DLGAP1: variants seen among roughly 807,000 people sequenced by gnomAD.
DLGAP1 encodes disks large-associated protein 1.
Under a neutral mutation model 90.8 loss-of-function variants are expected in DLGAP1, and 11 were observed. The observed-to-expected ratio is 0.12, with a 90% confidence interval of 0.08 to 0.20. The LOEUF (loss-of-function observed/expected upper bound fraction) is 0.20. Among genes scored for constraint, DLGAP1 ranks in the 10% least tolerant of loss-of-function variants. The probability of loss-of-function intolerance (pLI) is 1.00; values close to 1 mark genes in which losing one functional copy is unlikely to be tolerated. For missense variants in DLGAP1, 1,050 were observed against 1,333.8 expected, an observed-to-expected ratio of 0.79 and a Z score of 3.31; for synonymous variants, 558 against 540.7, an observed-to-expected ratio of 1.03 and a Z score of -0.44.
chr18:4,268,738 T>A (rs905264660), intron 1 of DLGAP1, among the ~76,000 whole-genome samples: 12 of 152,174 alleles, frequency 7.9e-5, no homozygotes, highest in Admixed American at 5.2e-4. Flanking sequence ...AAATACTCCA[T>A]AAATACATAT....
At chr18:4,239,964 CTGTT>C (rs1345004382) in intron 1 of DLGAP1, among the ~76,000 whole-genome samples, 2 of 152,242 alleles carry the variant, frequency 1.3e-5, no homozygotes, top group East Asian at 3.9e-4. Context: ...TTTCCATGCC[CTGTT>C]TGTTTATTTA....
intron 1 of DLGAP1, among the ~76,000 whole-genome samples, chr18:4,184,329 T>G (rs2077255920): frequency 6.6e-6 from 1 of 152,142 alleles, no homozygotes; most frequent in African/African-American, 2.4e-5. Context: ...TATTTACATT[T>G]ATTAACATGG....
At chr18:3,664,271 T>TA (rs2059802768) in intron 7 of DLGAP1, among the ~76,000 whole-genome samples, 1 of 150,924 alleles carries the variant, frequency 6.6e-6, no homozygotes, top group Admixed American at 6.6e-5. Flanking sequence ...CTCTGACTAA[T>TA]ACACCAACTT....
chr18:3,647,489 C>T (rs7407922), intron 7 of DLGAP1, among the ~76,000 whole-genome samples: 28,265 of 148,790 alleles, frequency 0.19, 2,807 homozygotes, highest in African/African-American at 0.2. Context: ...TTTTTTAAAC[C>T]GAGACTTGCT....
chr18:3,959,392 C>T (rs746204705), intron 3 of DLGAP1, among the ~76,000 whole-genome samples: 2 of 152,006 alleles, frequency 1.3e-5, no homozygotes, highest in African/African-American at 2.4e-5. Flanking sequence ...TGGGGCCGGG[C>T]GTGGTGGCGC....
intron 7 of DLGAP1, among the ~76,000 whole-genome samples, chr18:3,601,433 T>C (rs917084624): frequency 6.6e-6 from 1 of 151,278 alleles, no homozygotes; most frequent in Non-Finnish European, 1.5e-5. Context: ...ACTTCACATA[T>C]GCAAGGGTGT....
chr18:3,837,849 CAAAAAAAAAAAA>C (rs5822770), intron 4 of DLGAP1, among the ~76,000 whole-genome samples: 890 of 26,832 alleles, frequency 0.033, 17 homozygotes, highest in African/African-American at 0.12. Context: ...GAGATTCTGT[CAAAAAAAAAAAA>C]AAAAAAAAAA....
chr18:4,075,479 T>A (rs982560501), intron 2 of DLGAP1, among the ~76,000 whole-genome samples: 2 of 152,156 alleles, frequency 1.3e-5, no homozygotes, highest in African/African-American at 4.8e-5. Flanking sequence ...CTGTACCCCA[T>A]TTGAAAGCAC....
At chr18:3,506,579 T>G (rs968884417) in intron 11 of DLGAP1, among the ~76,000 whole-genome samples, 1 of 145,842 alleles carries the variant, frequency 6.9e-6, no homozygotes, top group Non-Finnish European at 1.5e-5. Context: ...AATCTGCAAA[T>G]TTTTCAAAAC....
chr18:4,364,261 TG>T (rs1357847412), intron 1 of DLGAP1, among the ~76,000 whole-genome samples: 1 of 53,076 alleles, frequency 1.9e-5, no homozygotes, highest in East Asian at 7.0e-4. Context: ...TGTTGTGGGG[TG>T]GGGGGAGGGG....
intron 2 of DLGAP1, among the ~76,000 whole-genome samples, chr18:4,075,764 T>C (rs2143531855): frequency 6.6e-6 from 1 of 152,370 alleles, no homozygotes; most frequent in South Asian, 2.1e-4. Flanking sequence ...TGGTATTTCT[T>C]TCCAACAAGG....
intron 2 of DLGAP1, among the ~76,000 whole-genome samples, chr18:4,022,523 C>T (rs2074630500): frequency 1.3e-5 from 2 of 151,956 alleles, no homozygotes; most frequent in Admixed American, 1.3e-4. Context: ...TTTTCTTATT[C>T]AACCCTGTTT....
chr18:4,399,436 C>T (rs1286581217), intron 1 of DLGAP1, among the ~76,000 whole-genome samples: 1 of 152,034 alleles, frequency 6.6e-6, no homozygotes, highest in African/African-American at 2.4e-5. Context: ...TATTAGAATC[C>T]CATCTTACAG....
rs1304832302 is a variant in DLGAP1 at position 4,200,056 on chromosome 18, TAC to T, written c.-266-48771_-266-48770del. ...ATATTTTACATTGTTATTGTATGTA[TAC>T]ACAGTTTTTTATCTTGTGTCTAGTC... is the stretch of plus-strand genomic sequence containing the variant. On this transcript the variant is annotated intron_variant, in intron 1 of 12. Transcript: ENST00000315677. Among the ~76,000 whole-genome samples the T allele has an allele frequency of 4.6e-5, 7 of 152,214 alleles. No homozygotes were observed. The South Asian group carries it at 1.4e-3, about 32-fold the overall frequency.
chr18:3,533,425 G>A (rs1191691026), intron 10 of DLGAP1, among the ~76,000 whole-genome samples: 6 of 152,154 alleles, frequency 3.9e-5, no homozygotes, highest in African/African-American at 7.2e-5. Flanking sequence ...TGTCAAACAG[G>A]CTTAAGAATA....
chr18:3,980,132 T>C (rs2073693656), intron 3 of DLGAP1, among the ~76,000 whole-genome samples: 3 of 151,868 alleles, frequency 2.0e-5, no homozygotes, highest in Admixed American at 6.5e-5. Flanking sequence ...CGAGACTTCA[T>C]CTCAAAAAAT....
chr18:3,924,366 G>C (rs2072334209), intron 3 of DLGAP1, among the ~76,000 whole-genome samples: 1 of 152,216 alleles, frequency 6.6e-6, no homozygotes, highest in Non-Finnish European at 1.5e-5. Flanking sequence ...GGTGCCCTAG[G>C]TCCACACCCT....
chr18:3,870,784 C>T (rs1427547776), intron 4 of DLGAP1, among the ~76,000 whole-genome samples: 1 of 152,092 alleles, frequency 6.6e-6, no homozygotes, highest in Admixed American at 6.6e-5. Context: ...AAAATCTAAC[C>T]AGGGCTCTGA....
At chr18:3,745,229 G>A (rs1162017634) in intron 5 of DLGAP1, among the ~76,000 whole-genome samples, 2 of 152,190 alleles carry the variant, frequency 1.3e-5, no homozygotes, top group East Asian at 3.8e-4. Context: ...TGAAGGGTAT[G>A]GAGTTTCTCT....
Sources: allele counts gnomAD v4.1 joint callset (sites outside exome capture counted in the v4.1 genomes callset), GRCh38; gene constraint gnomAD v4.1.1; transcripts MANE v1.5; gene names NCBI Gene and HGNC (gene_info 2026-07-23, HGNC 2026-07-21).